Variants in UGT1A8 observed in about 807,000 individuals in gnomAD.
The protein encoded by UGT1A8 is UDP-glucuronosyltransferase 1A8.
Under a neutral mutation model 45.3 loss-of-function variants are expected in UGT1A8, and 39 were observed. The ratio of observed to expected loss-of-function variants is 0.86; its 90% confidence interval spans 0.67 to 1.12. UGT1A8 has a LOEUF of 1.12. UGT1A8 is among the 50% of genes most tolerant of loss of function. The pLI, the probability that UGT1A8 is intolerant of heterozygous loss-of-function variation, is 0.00. For synonymous variants in UGT1A8, 275 were observed against 249.2 expected, an observed-to-expected ratio of 1.10 and a Z score of -0.97; for missense variants, 719 against 664.9, an observed-to-expected ratio of 1.08 and a Z score of -0.90.
intron 1 of UGT1A8, chr2:233,718,659 T>G: frequency 6.5e-7 from 1 of 1,530,752 alleles, no homozygotes; most frequent in Non-Finnish European, 8.8e-7. Flanking sequence ...CGAAAGGCAG[T>G]TATAGATTAA....
chr2:233,768,591 T>C, intron 4 of UGT1A8, 152 bp downstream of exon 4: 1 of 1,076,328 alleles, frequency 9.3e-7, no homozygotes, highest in Non-Finnish European at 1.2e-6. Context: ...TCTTTTTTTT[T>C]TTTTTTTTTT....
intron 1 of UGT1A8, among the ~76,000 whole-genome samples, chr2:233,675,336 T>TCAG (rs1275854115): frequency 6.6e-6 from 1 of 152,182 alleles, no homozygotes; most frequent in East Asian, 1.9e-4. Flanking sequence ...TGTAAATAAT[T>TCAG]CAGCAGAACA....
intron 1 of UGT1A8, among the ~76,000 whole-genome samples, chr2:233,749,862 T>G (rs1409437282): frequency 1.3e-5 from 2 of 151,992 alleles, no homozygotes; most frequent in Non-Finnish European, 2.9e-5. Flanking sequence ...TCTCACTTTC[T>G]GCCAGGATTA....
intron 1 of UGT1A8, among the ~76,000 whole-genome samples, chr2:233,733,971 G>T (rs927832512): frequency 6.6e-6 from 1 of 152,028 alleles, no homozygotes; most frequent in East Asian, 1.9e-4. Flanking sequence ...TAGGGGGAGC[G>T]GGGAGGGATA....
intron 1 of UGT1A8, chr2:233,682,741 T>C (rs1443370388): frequency 1.1e-5 from 18 of 1,613,942 alleles, no homozygotes; most frequent in Non-Finnish European, 1.5e-5. Context: ...TGATGCCCAA[T>C]ATGATCTTCA....
chr2:233,624,752 G>A (rs1336173800), intron 1 of UGT1A8, among the ~76,000 whole-genome samples: 2 of 151,928 alleles, frequency 1.3e-5, no homozygotes, highest in African/African-American at 4.8e-5. Flanking sequence ...GATCAACTGG[G>A]GAGAAACAAC....
intron 1 of UGT1A8, among the ~76,000 whole-genome samples, chr2:233,717,476 A>C (rs2076577625): frequency 6.6e-6 from 1 of 152,234 alleles, no homozygotes; most frequent in Non-Finnish European, 1.5e-5. Context: ...TTGTGTCCAA[A>C]GGTGGAATCT....
intron 1 of UGT1A8, chr2:233,693,223 C>A: frequency 6.2e-7 from 1 of 1,614,176 alleles, no homozygotes; most frequent in South Asian, 1.1e-5. Context: ...CCAAATACTA[C>A]ACAAGAAAAA....
intron 1 of UGT1A8, among the ~76,000 whole-genome samples, chr2:233,635,038 T>A (rs1342769189): frequency 6.6e-6 from 1 of 150,852 alleles, no homozygotes; most frequent in South Asian, 2.1e-4. Context: ...CTGTAAAGGA[T>A]TTTATTTCTC....
At chr2:233,678,706 C>T (rs2074425581) in intron 1 of UGT1A8, among the ~76,000 whole-genome samples, 1 of 152,100 alleles carries the variant, frequency 6.6e-6, no homozygotes, top group Admixed American at 6.6e-5. Flanking sequence ...GGCACTGCTT[C>T]TTCTACATCT....
chr2:233,769,665 G>T lies in UGT1A8; in HGVS notation c.1295+1226G>T. 6.3e-7 allele frequency: 1 copy of T among 1,592,194 alleles called. No homozygotes were observed. The highest frequency in any genetic ancestry group is 1.1e-5 in the South Asian group (1 of 88,390). The stretch of plus-strand genomic sequence containing the variant: ...TGATGACTGACTTCCCACCTTTGAG[G>T]TGCTAATGTGTGTGTGGTGGCACTG... On this transcript the variant is annotated intron_variant, in intron 4 of 4. Transcript: ENST00000373450. The surrounding 1 kb of genome is among the most constrained non-coding windows in gnomAD (Gnocchi z 4.4).
chr2:233,760,460 T>C (rs2125984411), intron 1 of UGT1A8: 1 of 1,614,176 alleles, frequency 6.2e-7, no homozygotes. Flanking sequence ...CATGAAATAG[T>C]TGTCCTAGCA....
intron 1 of UGT1A8, among the ~76,000 whole-genome samples, chr2:233,704,121 C>T (rs1372423895): frequency 2.0e-5 from 3 of 151,972 alleles, no homozygotes; most frequent in Non-Finnish European, 4.4e-5. Flanking sequence ...AAACTCCTTA[C>T]CTCAAGTGAT....
chr2:233,693,545 A>G lies in UGT1A8; in HGVS notation c.856-73489A>G, dbSNP rs2070959. ...GGGTTTTCCGTGTTCCCTGGAGCATACATTCAGCAGAAGCCCAGACCCTGT... is the reference window on the plus strand; with the variant it reads ...GGGTTTTCCGTGTTCCCTGGAGCATGCATTCAGCAGAAGCCCAGACCCTGT... On this transcript the variant is annotated intron_variant, in intron 1 of 4. Transcript: ENST00000373450. The G allele has an allele frequency of 0.32, 515,475 of 1,613,956 alleles. 84,631 individuals are homozygous for G. Among genetic ancestry groups the G allele is most frequent in the South Asian group, 0.4 (36,504 of 91,082 alleles).
chr2:233,665,111 G>A (rs1259058178), intron 1 of UGT1A8, among the ~76,000 whole-genome samples: 8 of 152,184 alleles, frequency 5.3e-5, no homozygotes, highest in Non-Finnish European at 7.3e-5. Context: ...TTGTTAAAAT[G>A]TAGTACCAGG....
At chr2:233,731,530 C>T (rs149780205) in intron 1 of UGT1A8, among the ~76,000 whole-genome samples, 2,259 of 152,174 alleles carry the variant, frequency 0.015, 22 homozygotes, top group Non-Finnish European at 0.022. Flanking sequence ...TGAGAACATG[C>T]GGTGTTTGGT....
chr2:233,755,378 C>T (rs2125935029), intron 1 of UGT1A8: 1 of 351,540 alleles, frequency 2.8e-6, no homozygotes, highest in South Asian at 2.3e-5. Context: ...GAGGGCCGCC[C>T]CTTATGACGC....
chr2:233,755,338 G>C (rs569505432), intron 1 of UGT1A8: 1 of 431,822 alleles, frequency 2.3e-6, no homozygotes, highest in East Asian at 7.3e-5. Flanking sequence ...CCCGCGCACA[G>C]GTCAGAGGCT....
intron 1 of UGT1A8, among the ~76,000 whole-genome samples, chr2:233,764,543 G>A (rs1413559282): frequency 2.6e-5 from 4 of 152,222 alleles, no homozygotes; most frequent in South Asian, 2.1e-4. Context: ...CTGAGTGGGC[G>A]TGTGGGAGGG....
Sources: allele counts gnomAD v4.1 joint callset (sites outside exome capture counted in the v4.1 genomes callset), GRCh38; gene constraint gnomAD v4.1.1; non-coding constraint Gnocchi (gnomAD v3.1); transcripts MANE v1.5; gene names NCBI Gene and HGNC (gene_info 2026-07-23, HGNC 2026-07-21).